Variants in RANBP2 observed in about 807,000 individuals in gnomAD.
The protein encoded by RANBP2 is E3 SUMO-protein ligase RanBP2.
A neutral mutation model predicts 303.6 loss-of-function variants in RANBP2; 57 were observed. That is an observed-to-expected ratio of 0.19 (90% CI 0.15 to 0.23). The LOEUF is 0.23. Ranked by LOEUF, RANBP2 falls within the 10% of genes least tolerant of loss-of-function variation. The pLI, the probability that RANBP2 is intolerant of heterozygous loss-of-function variation, is 1.00. For missense variants in RANBP2, 3,138 were observed against 3,780.8 expected (o/e 0.83, Z 4.46); for synonymous variants, 1,167 against 1,301.5 (o/e 0.90, Z 2.23).
At chr2:109,474,224 G>A in the RANBP2 span, among the ~76,000 whole-genome samples, 1 of 152,198 alleles carries the variant, frequency 6.6e-6, no homozygotes, top group Non-Finnish European at 1.5e-5. Context: ...TCTCTAGGGA[G>A]GTGGGTGTGG....
chr2:109,446,282 T>C, the RANBP2 span, among the ~76,000 whole-genome samples: 14 of 152,262 alleles, frequency 9.2e-5, no homozygotes, highest in South Asian at 2.9e-3. Context: ...TCTTTTTTCC[T>C]CAGAGACTCA....
the RANBP2 span, among the ~76,000 whole-genome samples, chr2:109,550,151 A>G: frequency 6.6e-6 from 1 of 151,770 alleles, no homozygotes; most frequent in Non-Finnish European, 1.5e-5. Flanking sequence ...TTAGCTGGGC[A>G]TGGTGGCACA....
the RANBP2 span, among the ~76,000 whole-genome samples, chr2:108,818,616 C>T: frequency 1.3e-5 from 2 of 152,090 alleles, no homozygotes; most frequent in East Asian, 1.9e-4. Flanking sequence ...TACTTGTGGC[C>T]ATCGCAAGCA....
chr2:109,563,731 C>T, the RANBP2 span, among the ~76,000 whole-genome samples: 1 of 152,340 alleles, frequency 6.6e-6, no homozygotes, highest in South Asian at 2.1e-4. Flanking sequence ...CCTACAAGCA[C>T]TCTCCTTCTT....
the RANBP2 span, among the ~76,000 whole-genome samples, chr2:109,234,344 C>T: frequency 1.3e-5 from 2 of 152,224 alleles, no homozygotes; most frequent in Non-Finnish European, 2.9e-5. Flanking sequence ...TTCTTTATTG[C>T]AGGATTCTTA....
At chr2:109,495,877 C>A in the RANBP2 span, among the ~76,000 whole-genome samples, 1 of 151,996 alleles carries the variant, frequency 6.6e-6, no homozygotes, top group Non-Finnish European at 1.5e-5. Context: ...TGTAAATCAC[C>A]TAGATTAACA....
chr2:109,062,065 T>C, the RANBP2 span, among the ~76,000 whole-genome samples: 2 of 152,176 alleles, frequency 1.3e-5, no homozygotes, highest in African/African-American at 4.8e-5. Flanking sequence ...GGAGGCAGAA[T>C]GGCTGGGCAG....
chr2:109,479,415 C>CG, the RANBP2 span, among the ~76,000 whole-genome samples: 1 of 152,216 alleles, frequency 6.6e-6, no homozygotes, highest in African/African-American at 2.4e-5. Context: ...TGTGACCTAT[C>CG]ATTCTTTCCT....
chr2:109,710,929 G>A, the RANBP2 span, among the ~76,000 whole-genome samples: 5 of 152,080 alleles, frequency 3.3e-5, no homozygotes, highest in African/African-American at 1.2e-4. Context: ...AGGTGGCAAG[G>A]TAGGCAGTTT....
At chr2:109,431,652 G>T in the RANBP2 span, among the ~76,000 whole-genome samples, 3 of 152,162 alleles carry the variant, frequency 2.0e-5, no homozygotes, top group Admixed American at 6.5e-5. Flanking sequence ...TGGGAGGATT[G>T]CTTGAGACTA....
the RANBP2 span, among the ~76,000 whole-genome samples, chr2:109,514,834 G>A: frequency 5.3e-5 from 8 of 152,268 alleles, no homozygotes; most frequent in Admixed American, 2.0e-4. Flanking sequence ...CCAGGCCCTG[G>A]GCACGGCGGT....
the RANBP2 span, among the ~76,000 whole-genome samples, chr2:109,105,612 T>C: frequency 1.3e-5 from 2 of 152,262 alleles, no homozygotes; most frequent in South Asian, 2.1e-4. Flanking sequence ...TGGAGTACAG[T>C]GGCGCAATCT....
At chr2:109,577,670 T>C in the RANBP2 span, among the ~76,000 whole-genome samples, 1 of 151,696 alleles carries the variant, frequency 6.6e-6, no homozygotes, top group African/African-American at 2.4e-5. Context: ...CCCAGCACTT[T>C]GGGAGGCCAA....
At chr2:109,455,756 C>T in the RANBP2 span, among the ~76,000 whole-genome samples, 1 of 152,174 alleles carries the variant, frequency 6.6e-6, no homozygotes, top group African/African-American at 2.4e-5. Flanking sequence ...GACAGGCAGC[C>T]GGGGAAGCCA....
chr2:109,297,995 C>T, the RANBP2 span, among the ~76,000 whole-genome samples: 2 of 152,222 alleles, frequency 1.3e-5, no homozygotes, highest in Admixed American at 6.5e-5. Flanking sequence ...CTTGGGTTTG[C>T]GCCTCAGCTG....
At chr2:109,268,744 A>T in the RANBP2 span, among the ~76,000 whole-genome samples, 152 of 71,302 alleles carry the variant, frequency 2.1e-3, 1 homozygote, top group African/African-American at 7.9e-3. Flanking sequence ...CTTTATTATA[A>T]AAAAAAAAAG....
At chr2:109,530,394 T>G in the RANBP2 span, among the ~76,000 whole-genome samples, 1 of 152,202 alleles carries the variant, frequency 6.6e-6, no homozygotes, top group Non-Finnish European at 1.5e-5. Flanking sequence ...TCCAAGCAGC[T>G]GCAAACAAAT....
chr2:109,465,740 CAA>C, the RANBP2 span, among the ~76,000 whole-genome samples: 7 of 152,044 alleles, frequency 4.6e-5, no homozygotes, highest in Non-Finnish European at 1.0e-4. Flanking sequence ...TGGCGGAAGA[CAA>C]AGAGGGAACA....
At chr2:109,633,140 C>T in the RANBP2 span, among the ~76,000 whole-genome samples, 5 of 152,040 alleles carry the variant, frequency 3.3e-5, no homozygotes, top group Admixed American at 3.3e-4. Context: ...ACCTGTAATC[C>T]CAGAACTTTG....
Sources: allele counts gnomAD v4.1 joint callset (sites outside exome capture counted in the v4.1 genomes callset), GRCh38; gene constraint gnomAD v4.1.1; transcripts MANE v1.5; gene names NCBI Gene and HGNC (gene_info 2026-07-23, HGNC 2026-07-21).